GALNTL5: variants seen among roughly 807,000 people sequenced by gnomAD.
The protein encoded by GALNTL5 is polypeptide N-acetylgalactosaminyltransferase like 5.
In GALNTL5, 44 loss-of-function variants were observed where a neutral mutation model predicts 51.0. That is an observed-to-expected ratio of 0.86 (90% CI 0.68 to 1.11). GALNTL5 has a LOEUF of 1.11. GALNTL5 is among the 50% of genes least tolerant of loss of function. The pLI, the probability that GALNTL5 is intolerant of heterozygous loss-of-function variation, is 0.00. For missense variants in GALNTL5, 528 were observed against 531.8 expected (o/e 0.99, Z 0.07); for synonymous variants, 192 against 182.8 (o/e 1.05, Z -0.41).
chr7:151,993,338 CT>C (rs1400604504), intron 5 of GALNTL5, among the ~76,000 whole-genome samples: 1 of 150,906 alleles, frequency 6.6e-6, no homozygotes, highest in Non-Finnish European at 1.5e-5. Context: ...TATGGTTTTT[CT>C]TTTTTTCTAA....
At chr7:151,982,358 G>T (rs972637043) in intron 3 of GALNTL5, among the ~76,000 whole-genome samples, 1 of 152,166 alleles carries the variant, frequency 6.6e-6, no homozygotes, top group African/African-American at 2.4e-5. Context: ...AGGTTGCAGT[G>T]AGCCAAGATG....
intron 6 of GALNTL5, among the ~76,000 whole-genome samples, chr7:152,004,570 G>A (rs997248871): frequency 8.6e-5 from 13 of 151,970 alleles, no homozygotes; most frequent in Admixed American, 3.3e-4. Flanking sequence ...AATGTACACC[G>A]GACCCATTAA....
chr7:151,979,266 C>T (rs57717191), intron 3 of GALNTL5, among the ~76,000 whole-genome samples: 2,402 of 131,896 alleles, frequency 0.018, 68 homozygotes, highest in African/African-American at 0.063. Context: ...CCCGCCACCA[C>T]GCCCAGCTAA....
chr7:152,002,641 A>G, intron 5 of GALNTL5, 73 bp from the exon 6 acceptor site: 1 of 1,521,128 alleles, frequency 6.6e-7, no homozygotes, highest in Non-Finnish European at 9.0e-7. Flanking sequence ...TATTCATCAC[A>G]TTGAACTTTG....
chr7:151,961,328 G>A (rs1263510604), intron 1 of GALNTL5, among the ~76,000 whole-genome samples: 1 of 142,934 alleles, frequency 7.0e-6, no homozygotes, highest in East Asian at 2.0e-4. Flanking sequence ...ATGGCAAAAC[G>A]CCAACTCTAC....
intron 7 of GALNTL5, among the ~76,000 whole-genome samples, chr7:152,008,702 G>A (rs986636027): frequency 6.6e-6 from 1 of 151,350 alleles, no homozygotes. Context: ...TCTATCTGAT[G>A]GTCCCTCTTA....
intron 1 of GALNTL5, among the ~76,000 whole-genome samples, chr7:151,957,566 G>C (rs1320913520): frequency 7.1e-6 from 1 of 141,574 alleles, no homozygotes; most frequent in Non-Finnish European, 1.6e-5. Context: ...AAAAAGAAAA[G>C]AAAAAAAAAA....
intron 6 of GALNTL5, among the ~76,000 whole-genome samples, chr7:152,003,768 G>T (rs2081610809): frequency 6.6e-6 from 1 of 152,124 alleles, no homozygotes; most frequent in Non-Finnish European, 1.5e-5. Context: ...GTAAGAAATA[G>T]CTATGGTGTT....
chr7:151,959,392 A>G (rs1039682123), intron 1 of GALNTL5, among the ~76,000 whole-genome samples: 1 of 152,100 alleles, frequency 6.6e-6, no homozygotes, highest in Admixed American at 6.5e-5. Context: ...CTAATTCGCC[A>G]TTTTCCCTAG....
chr7:151,976,149 A>G (rs957765409), intron 3 of GALNTL5, among the ~76,000 whole-genome samples: 9 of 152,212 alleles, frequency 5.9e-5, no homozygotes, highest in Non-Finnish European at 1.2e-4. Context: ...TGATCTGTAC[A>G]TAGTTGTAAG....
Position 152,014,811 on chromosome 7 carries a change from G to A in GALNTL5, c.1176+18G>A. The A allele has an allele frequency of 6.3e-7, 1 of 1,590,826 alleles. No homozygotes were observed. Among genetic ancestry groups the A allele is most frequent in the Non-Finnish European group, 8.5e-7 (1 of 1,170,212 alleles). On this transcript the variant is annotated intron_variant, in intron 8 of 8. Coordinates refer to ENST00000392800, the MANE Select transcript of GALNTL5 (RefSeq NM_145292.4). ...AATATAAGGTGGGGAACACATCCTT[G>A]ACTTGGAAAATGTATGCGAGGCCGG...
rs149072512 is a variant in GALNTL5 at position 151,981,860 on chromosome 7, C to G, written c.369-1126C>G. On this transcript the variant is annotated intron_variant, in intron 3 of 8. Coordinates refer to ENST00000392800, the MANE Select transcript of GALNTL5 (RefSeq NM_145292.4). ...ACAGAATTTTGCCATGTTGTCCAGGCTGGTCTCGAACTCCTGACCTCATGT... is the reference window on the plus strand; with the variant it reads ...ACAGAATTTTGCCATGTTGTCCAGGGTGGTCTCGAACTCCTGACCTCATGT... Among the ~76,000 whole-genome samples the G allele has an allele frequency of 7.2e-3, 1,080 of 151,012 alleles. 13 individuals are homozygous for G. The highest frequency in any genetic ancestry group is 0.024 in the African/African-American group (985 of 41,266).
At chr7:151,957,107 A>G (rs1191138972) in intron 1 of GALNTL5, among the ~76,000 whole-genome samples, 2 of 150,160 alleles carry the variant, frequency 1.3e-5, no homozygotes, top group Non-Finnish European at 3.0e-5. Flanking sequence ...GGAGTTCAAG[A>G]TCAGCTTGGA....
intron 6 of GALNTL5, among the ~76,000 whole-genome samples, 176 bp from the exon 7 acceptor site, chr7:152,007,651 C>A (rs1459410889): frequency 1.3e-5 from 2 of 152,068 alleles, no homozygotes; most frequent in Admixed American, 6.5e-5. Context: ...ATCTCCTGAA[C>A]TCGTAATGCA....
chr7:151,999,028 T>C (rs1022669853), intron 5 of GALNTL5, among the ~76,000 whole-genome samples: 5 of 152,178 alleles, frequency 3.3e-5, no homozygotes, highest in African/African-American at 1.2e-4. Flanking sequence ...GAAAAGAAAG[T>C]CTTTTAGCCA....
chr7:151,994,625 T>C (rs2081471413), intron 5 of GALNTL5, among the ~76,000 whole-genome samples: 1 of 152,142 alleles, frequency 6.6e-6, no homozygotes, highest in African/African-American at 2.4e-5. Context: ...AACGTTCTTC[T>C]CTCAGGCATC....
At chr7:151,996,821 G>T (rs894885899) in intron 5 of GALNTL5, among the ~76,000 whole-genome samples, 3 of 151,018 alleles carry the variant, frequency 2.0e-5, no homozygotes, top group Admixed American at 2.0e-4. Flanking sequence ...ATATTTTTAA[G>T]ATTTTAAAAA....
In GALNTL5 at chr7:152,007,904, T is replaced by C. The variant is rs761830218; in HGVS notation, c.986T>C (p.Met329Thr). The C allele has an allele frequency of 1.9e-6, 3 of 1,611,192 alleles. No individual in the cohort carries two copies. The highest frequency in any genetic ancestry group is 1.7e-6 in the Non-Finnish European group (2 of 1,177,952). The change falls in exon 7 of 9, where the codon ATG becomes ACG. Residue 329 changes from methionine to threonine, a missense_variant. Physicochemically the swap from Met to Thr is moderately conservative, Grantham distance 81. Coordinates refer to ENST00000392800, the MANE Select transcript of GALNTL5 (RefSeq NM_145292.4). ...FNEIGQYDKD[M>T]DFWGRENLEL... ...GAAATTGGACAGTATGACAAGGATA[T>C]GGATTTTTGGGGAAGAGAAAATTTG...
chr7:151,979,106 C>CTTTTTT (rs397888897), intron 3 of GALNTL5, among the ~76,000 whole-genome samples: 3 of 71,162 alleles, frequency 4.2e-5, no homozygotes, highest in African/African-American at 1.3e-4. Flanking sequence ...TACTTTTACT[C>CTTTTTT]TTTTTTTTTT....
Sources: gnomAD v4.1 joint callset for allele counts (sites outside exome capture counted in the v4.1 genomes callset) on GRCh38, gnomAD v4.1.1 for gene constraint, MANE v1.5 for transcripts, NCBI Gene and HGNC (gene_info 2026-07-23, HGNC 2026-07-21) for gene names.